LMX1A: variants seen among roughly 807,000 people sequenced by gnomAD.
LMX1A encodes LIM homeobox transcription factor 1 alpha.
LMX1A carries 15 observed loss-of-function variants against 49.1 expected under a neutral mutation model. The ratio of observed to expected loss-of-function variants is 0.31; its 90% CI spans 0.20 to 0.47. The LOEUF (loss-of-function observed/expected upper bound fraction) is 0.47. LMX1A is among the 20% of genes least tolerant of loss of function. The probability of loss-of-function intolerance (pLI) is 1.00; values close to 1 mark genes in which losing one functional copy is unlikely to be tolerated. For missense variants in LMX1A, 372 were observed against 475.8 expected (o/e 0.78, Z 2.03); for synonymous variants, 167 against 185.7 (o/e 0.90, Z 0.82).
intron 4 of LMX1A, among the ~76,000 whole-genome samples, chr1:165,227,185 G>A (rs1382047185): frequency 1.3e-5 from 2 of 152,124 alleles, no homozygotes; most frequent in African/African-American, 4.8e-5. Flanking sequence ...ACAGAAGCAT[G>A]GACAGTGAAG....
intron 3 of LMX1A, among the ~76,000 whole-genome samples, chr1:165,343,062 T>C (rs1656123130): frequency 6.6e-6 from 1 of 152,178 alleles, no homozygotes; most frequent in African/African-American, 2.4e-5. Context: ...AGAGATAATA[T>C]ATGTGAAGGT....
intron 3 of LMX1A, among the ~76,000 whole-genome samples, chr1:165,292,685 G>A (rs1455544521): frequency 6.6e-6 from 1 of 152,170 alleles, no homozygotes; most frequent in East Asian, 1.9e-4. Context: ...GAAATTTTAT[G>A]CTATATGTTG....
chr1:165,227,553 G>GTACATACATACATACATACATACA (rs111962996), intron 4 of LMX1A, among the ~76,000 whole-genome samples: 16 of 150,796 alleles, frequency 1.1e-4, no homozygotes, highest in East Asian at 2.0e-4. Flanking sequence ...TAATACATAC[G>GTACATACATACATACATACATACA]TACATACATA....
At chr1:165,350,132 C>CCATTTACTT (rs1433478481) in intron 3 of LMX1A, among the ~76,000 whole-genome samples, 1 of 147,756 alleles carries the variant, frequency 6.8e-6, no homozygotes, top group Non-Finnish European at 1.5e-5. Context: ...CATTTTCTTC[C>CCATTTACTT]CATTTACTTT....
At chr1:165,305,562 C>G (rs1377377718) in intron 3 of LMX1A, among the ~76,000 whole-genome samples, 5 of 152,132 alleles carry the variant, frequency 3.3e-5, no homozygotes, top group Non-Finnish European at 5.9e-5. Context: ...CAGAGGAGTC[C>G]CTACAACCAC....
At chr1:165,289,578 C>T (rs7537922) in intron 3 of LMX1A, among the ~76,000 whole-genome samples, 20,900 of 152,322 alleles carry the variant, frequency 0.14, 1,867 homozygotes, top group Non-Finnish European at 0.2. Flanking sequence ...TCAGGGCTGA[C>T]AATGAATTTA....
At chr1:165,306,422 A>T (rs762213589) in intron 3 of LMX1A, among the ~76,000 whole-genome samples, 29 of 152,160 alleles carry the variant, frequency 1.9e-4, no homozygotes, top group Non-Finnish European at 4.1e-4. Context: ...TCCAAAAAGA[A>T]TGTGGAACAA....
Position 165,249,528 on chromosome 1 carries a change from C to T in LMX1A, c.376G>A (p.Glu126Lys), listed in dbSNP as rs376042184. Residue 126 changes from glutamate to lysine, a missense_variant, in exon 4 of 9, where the codon GAG becomes AAG. By Grantham distance (56) the Glu-to-Lys change is moderately conservative (BLOSUM62 1). Coordinates refer to ENST00000342310, the MANE Select transcript of LMX1A (RefSeq NM_177398.4). ...TCATCACCCTTCTGAAGCTGTCGCT[C>T]GCAGACACAGCAGCAGAAGCAGCTC... ...HLSCFCCCVCERQLQKGDEFV... is the reference protein window; with the variant it reads ...HLSCFCCCVCKRQLQKGDEFV... The T allele has an allele frequency of 5.0e-6, 8 of 1,614,098 alleles. No individual in the cohort carries two copies. The East Asian group carries it at 1.1e-4, about 22-fold the overall frequency.
At chr1:165,319,703 T>A (rs955813593) in intron 3 of LMX1A, among the ~76,000 whole-genome samples, 6 of 152,014 alleles carry the variant, frequency 3.9e-5, no homozygotes, top group African/African-American at 1.5e-4. Flanking sequence ...ATCATATAAA[T>A]AGGCAAAAGG....
intron 4 of LMX1A, among the ~76,000 whole-genome samples, chr1:165,225,286 T>G (rs1651994015): frequency 6.6e-6 from 1 of 152,170 alleles, no homozygotes; most frequent in African/African-American, 2.4e-5. Flanking sequence ...AACACAAGAT[T>G]AAGTGAGGAA....
At chr1:165,214,464 A>G (rs1265948804) in intron 4 of LMX1A, among the ~76,000 whole-genome samples, 1 of 152,210 alleles carries the variant, frequency 6.6e-6, no homozygotes, top group East Asian at 1.9e-4. Context: ...ACTCTCTACA[A>G]CTAAATGTAC....
intron 4 of LMX1A, 115 bp downstream of exon 4, chr1:165,249,293 G>C: frequency 1.5e-6 from 1 of 680,710 alleles, no homozygotes; most frequent in South Asian, 1.8e-5. Flanking sequence ...GAACTGCCTT[G>C]CCATGGAGCT....
rs1346072386 is a variant in LMX1A at position 165,215,347 on chromosome 1, C to T, written c.497-1534G>A. Reference sequence around the variant, plus strand: ...AAATAATAATAATAAAAGCCATAGGCAATTCTATGCCCAAATGATCTAACA... The same window carrying T: ...AAATAATAATAATAAAAGCCATAGGTAATTCTATGCCCAAATGATCTAACA... On this transcript the variant is annotated intron_variant, in intron 4 of 8. Coordinates refer to ENST00000342310, the MANE Select transcript of LMX1A (RefSeq NM_177398.4). 3.9e-5 allele frequency among the ~76,000 whole-genome samples: 6 copies of T among 152,166 alleles called. No individual in the cohort carries two copies. The East Asian group carries it at 1.2e-3, about 29-fold the overall frequency.
At chr1:165,341,709 C>T (rs1011841293) in intron 3 of LMX1A, among the ~76,000 whole-genome samples, 1 of 151,898 alleles carries the variant, frequency 6.6e-6, no homozygotes, top group Non-Finnish European at 1.5e-5. Flanking sequence ...TGTGGCCATG[C>T]CTTTCTTAAA....
chr1:165,351,375 T>C (rs1302584937), intron 3 of LMX1A, among the ~76,000 whole-genome samples: 1 of 152,242 alleles, frequency 6.6e-6, no homozygotes, highest in African/African-American at 2.4e-5. Flanking sequence ...AGAAGCTTTA[T>C]TCAAAGGTGA....
At chr1:165,234,497 G>A (rs1223344982) in intron 4 of LMX1A, among the ~76,000 whole-genome samples, 1 of 152,142 alleles carries the variant, frequency 6.6e-6, no homozygotes, top group Non-Finnish European at 1.5e-5. Context: ...CTTATCCCCT[G>A]AGGAACCTGG....
At chr1:165,262,893 C>G (rs1380649527) in intron 3 of LMX1A, among the ~76,000 whole-genome samples, 2 of 152,084 alleles carry the variant, frequency 1.3e-5, no homozygotes, top group Non-Finnish European at 2.9e-5. Flanking sequence ...CAATCAGGTA[C>G]TTATCCCACC....
intron 3 of LMX1A, among the ~76,000 whole-genome samples, chr1:165,265,581 C>G (rs1292182476): frequency 6.6e-6 from 1 of 152,216 alleles, no homozygotes; most frequent in Non-Finnish European, 1.5e-5. Context: ...CGTCTTTCCA[C>G]TGTGAACAGG....
At chr1:165,212,184 C>G (rs184779085) in intron 5 of LMX1A, among the ~76,000 whole-genome samples, 1 of 152,246 alleles carries the variant, frequency 6.6e-6, no homozygotes, top group African/African-American at 2.4e-5. Flanking sequence ...CAACAAATAT[C>G]TATCCTTCCC....
Sources: allele counts gnomAD v4.1 joint callset (sites outside exome capture counted in the v4.1 genomes callset), GRCh38; gene constraint gnomAD v4.1.1; transcripts MANE v1.5; gene names NCBI Gene and HGNC (gene_info 2026-07-23, HGNC 2026-07-21).